ABI2: variants seen among roughly 807,000 people sequenced by gnomAD.
ABI2 encodes abl interactor 2.
In ABI2, 25 loss-of-function variants were observed where a neutral mutation model predicts 59.2. The observed-to-expected ratio is 0.42, with a 90% confidence interval of 0.31 to 0.59. The LOEUF is 0.59. ABI2 is among the 20% of genes least tolerant of loss of function. ABI2 has a pLI of 0.14. For missense variants in ABI2, 545 were observed against 681.8 expected (o/e 0.80, Z 2.23); for synonymous variants, 213 against 235.5 (o/e 0.90, Z 0.87).
intron 4 of ABI2, among the ~76,000 whole-genome samples, chr2:203,384,159 T>C (rs1054237011): frequency 6.6e-6 from 1 of 152,194 alleles, no homozygotes; most frequent in African/African-American, 2.4e-5. Flanking sequence ...GGTAATAGTT[T>C]TATAGCAAAG....
intron 5 of ABI2, among the ~76,000 whole-genome samples, chr2:203,392,526 A>C (rs1207113759): frequency 2.6e-5 from 4 of 152,226 alleles, no homozygotes; most frequent in African/African-American, 7.2e-5. Context: ...GGACAAAATA[A>C]TTCTGCTTAG....
intron 2 of ABI2, among the ~76,000 whole-genome samples, chr2:203,370,383 C>G (rs1000348233): frequency 1.3e-5 from 2 of 151,918 alleles, no homozygotes; most frequent in African/African-American, 2.4e-5. Flanking sequence ...CCACCATGCC[C>G]AGCAAAGAGA....
At chr2:203,409,236 G>T (rs562224025) in intron 9 of ABI2, among the ~76,000 whole-genome samples, 1 of 152,080 alleles carries the variant, frequency 6.6e-6, no homozygotes, top group South Asian at 2.1e-4. Context: ...AAGCAGACAC[G>T]CAAGTCAAGG....
intron 2 of ABI2, chr2:203,374,833 C>CT (rs1553563884): frequency 2.2e-6 from 1 of 456,204 alleles, no homozygotes; most frequent in Non-Finnish European, 4.4e-6. Context: ...TTTTCCCACA[C>CT]TGATGGGCAG....
intron 1 of ABI2, among the ~76,000 whole-genome samples, chr2:203,366,088 G>T (rs1272336637): frequency 2.0e-5 from 3 of 151,914 alleles, no homozygotes; most frequent in Non-Finnish European, 4.4e-5. Flanking sequence ...TTAATGGATA[G>T]AAATCTTAAT....
At position 203,367,044 on chromosome 2, in the gene ABI2, A is replaced by G; in HGVS notation, c.285A>G (p.Gln95=). The stretch of plus-strand genomic sequence containing the variant: ...AATCTTCAATCAATCATATTTCACA[A>G]GTGAGACCACAATATTTTCCTATTT... ...RMESSINHIS[Q]TVDIHKEKVA... The change falls in exon 2 of 12, where the codon CAA becomes CAG. Residue 95 remains glutamine, a splice_region_variant and synonymous_variant. Transcript: ENST00000261018. 6.2e-7 allele frequency: 1 copy of G among 1,611,632 alleles called. No homozygotes were observed. Among genetic ancestry groups the G allele is most frequent in the Non-Finnish European group, 8.5e-7 (1 of 1,178,544 alleles).
intron 2 of ABI2, among the ~76,000 whole-genome samples, chr2:203,378,550 A>G (rs1578059348): frequency 6.6e-6 from 1 of 152,224 alleles, no homozygotes; most frequent in African/African-American, 2.4e-5. Context: ...TTGTAGAGAA[A>G]TAAGAGGCTT....
At chr2:203,328,937 C>A in intron 1 of ABI2, 1 of 237,402 alleles carries the variant, frequency 4.2e-6, no homozygotes. Context: ...TTCCGGATGG[C>A]GGAGGGGGCG....
intron 11 of ABI2, among the ~76,000 whole-genome samples, chr2:203,421,324 T>C (rs1352812961): frequency 6.6e-6 from 1 of 152,220 alleles, no homozygotes; most frequent in Non-Finnish European, 1.5e-5. Context: ...CAAGTGGCAT[T>C]GTAACTGCAC....
intron 6 of ABI2, chr2:203,395,112 A>C (rs773141076): frequency 1.4e-6 from 1 of 703,502 alleles, no homozygotes. Flanking sequence ...TTATGGACCA[A>C]ATGTGGGAAA....
chr2:203,365,592 C>G (rs2094303065), intron 1 of ABI2, among the ~76,000 whole-genome samples: 1 of 145,766 alleles, frequency 6.9e-6, no homozygotes, highest in African/African-American at 2.5e-5. Flanking sequence ...ATTTCTCTCT[C>G]TCAGGCTACG....
intron 2 of ABI2, among the ~76,000 whole-genome samples, chr2:203,373,227 G>A (rs1475482563): frequency 1.1e-4 from 17 of 151,912 alleles, no homozygotes; most frequent in Non-Finnish European, 1.8e-4. Context: ...TCGGGAGGCC[G>A]AGGCTGGCGG....
intron 6 of ABI2, among the ~76,000 whole-genome samples, chr2:203,395,452 C>T (rs58027191): frequency 0.21 from 12,157 of 57,902 alleles, 916 homozygotes; most frequent in Middle Eastern, 0.31. Context: ...TATATATACA[C>T]ACACACACAC....
At position 203,369,150 on chromosome 2, in the gene ABI2, G is replaced by A. The variant is rs186657229; in HGVS notation, c.285+2106G>A. 3.7e-3 allele frequency among the ~76,000 whole-genome samples: 561 copies of A among 151,952 alleles called. 4 individuals carry two copies. Among genetic ancestry groups the A allele is most frequent in the Admixed American group, 7.7e-3 (118 of 15,232 alleles). ...ACTCCTGGCCTGAACTTGGTTTTCT[G>A]TAGAAGGAGGGAGGTTGACAAATTG... On this transcript the variant is annotated intron_variant, in intron 2 of 11. Coordinates refer to ENST00000261018, the MANE Select transcript of ABI2 (RefSeq NM_001375670.1).
chr2:203,339,871 A>G (rs1473062009), intron 1 of ABI2, among the ~76,000 whole-genome samples: 1 of 152,214 alleles, frequency 6.6e-6, no homozygotes, highest in African/African-American at 2.4e-5. Context: ...GTATACCCAA[A>G]TCTGCATATA....
At chr2:203,408,955 C>T (rs1193323268) in intron 9 of ABI2, among the ~76,000 whole-genome samples, 5 of 146,612 alleles carry the variant, frequency 3.4e-5, no homozygotes, top group Admixed American at 2.1e-4. Flanking sequence ...TCTCCTGCCT[C>T]AGCCTCCCGA....
At chr2:203,337,021 T>G (rs1193170006) in intron 1 of ABI2, among the ~76,000 whole-genome samples, 1 of 152,184 alleles carries the variant, frequency 6.6e-6, no homozygotes, top group African/African-American at 2.4e-5. Flanking sequence ...ATGACAAGCC[T>G]ACAACTAACA....
intron 1 of ABI2, among the ~76,000 whole-genome samples, chr2:203,336,297 CTT>C (rs1365147679): frequency 3.3e-5 from 5 of 152,138 alleles, no homozygotes; most frequent in African/African-American, 4.8e-5. Context: ...AGTCTTCACT[CTT>C]TTGGGTAAAT....
chr2:203,364,184 C>T (rs964609952), intron 1 of ABI2, among the ~76,000 whole-genome samples: 3 of 151,700 alleles, frequency 2.0e-5, no homozygotes, highest in African/African-American at 7.3e-5. Flanking sequence ...ACCCCCGCCT[C>T]CTGGGTTCAA....
Sources: gnomAD v4.1 joint callset for allele counts (sites outside exome capture counted in the v4.1 genomes callset) on GRCh38, gnomAD v4.1.1 for gene constraint, MANE v1.5 for transcripts, NCBI Gene and HGNC (gene_info 2026-07-23, HGNC 2026-07-21) for gene names.